Variants in UBA1 observed in about 807,000 individuals in gnomAD.
UBA1 encodes ubiquitin like modifier activating enzyme 1.
A neutral mutation model predicts 84.7 loss-of-function variants in UBA1; 4 were observed. The observed-to-expected ratio is 0.05, with a 90% CI of 0.02 to 0.11. The LOEUF is 0.11. Among genes scored for constraint, UBA1 ranks in the 10% least tolerant of loss-of-function variants. UBA1 has a pLI of 1.00. For synonymous variants in UBA1, 364 were observed against 362.6 expected (o/e 1.00, Z -0.04); for missense variants, 513 against 902.8 (o/e 0.57, Z 5.53).
At chrX:47,201,156 CT>C (rs1196432148) in intron 6 of UBA1, 119 bp from the exon 7 acceptor site, 2 of 813,242 alleles carry the variant, frequency 2.5e-6, no homozygotes, top group African/African-American at 2.0e-5. Context: ...CAAGTACCAT[CT>C]TACATCCCAG....
chrX:47,199,566 C>T lies in UBA1; in HGVS notation c.432C>T (p.Val144=), dbSNP rs370688287. The change falls in exon 5 of 26, where the codon GTC becomes GTT. Residue 144 remains valine, a synonymous_variant. Transcript: ENST00000335972. The stretch of plus-strand genomic sequence containing the variant: ...CTGAGCTCAACAGCTATGTGCCTGT[C>T]ACTGCCTACACTGGACCCCTCGTTG... The part of the protein sequence containing the change: ...RLAELNSYVP[V]TAYTGPLVED... The T allele has an allele frequency of 1.7e-6, 2 of 1,209,937 alleles. No homozygotes were observed. Among genetic ancestry groups the T allele is most frequent in the African/African-American group, 3.5e-5 (2 of 57,164 alleles).
chrX:47,204,543 A>G (rs1556789978), intron 14 of UBA1, among the ~76,000 whole-genome samples: 1 of 111,349 alleles, frequency 9.0e-6, no homozygotes, highest in Non-Finnish European at 1.9e-5. Context: ...CACATAACAA[A>G]ATTTCCAGAC....
At chrX:47,207,993 A>C (rs1398361454) in intron 16 of UBA1, among the ~76,000 whole-genome samples, 1 of 112,300 alleles carries the variant, frequency 8.9e-6, no homozygotes, top group East Asian at 2.8e-4. Flanking sequence ...TGTTTTAGAG[A>C]CAAGGCACAG....
Position 47,202,408 on chromosome X carries a change from C to T in UBA1, c.960C>T (p.Phe320=), listed in dbSNP as rs1556788530. The T allele has an allele frequency of 8.3e-7, 1 of 1,210,761 alleles. No individual in the cohort carries two copies. Among genetic ancestry groups the T allele is most frequent in the Non-Finnish European group, 1.1e-6 (1 of 894,946 alleles). The change falls in exon 10 of 26, where the codon TTC becomes TTT. Residue 320 remains phenylalanine, a synonymous_variant. Coordinates refer to ENST00000335972, the MANE Select transcript of UBA1 (RefSeq NM_003334.4). The part of the protein sequence containing the change: ...LAEPDFVVTD[F]AKFSRPAQLH... Reference sequence around the variant, plus strand: ...AACCTGACTTTGTGGTGACGGACTTCGCCAAGTTTTCTCGCCCTGCCCAGC... The same window carrying T: ...AACCTGACTTTGTGGTGACGGACTTTGCCAAGTTTTCTCGCCCTGCCCAGC...
Position 47,211,239 on chromosome X carries a change from G to T in UBA1, c.2464+14G>T. 8.3e-7 allele frequency: 1 copy of T among 1,204,764 alleles called. No homozygotes were observed. ...ATGCCTCTGTTGGTGAGGGTGTTTG[G>T]CCAGTTGGCCAGGAGTCACCCCACA... On this transcript the variant is annotated intron_variant, in intron 20 of 25. Transcript: ENST00000335972.
upstream of UBA1, chrX:47,190,946 A>AG (rs1556784172): frequency 8.9e-6 from 1 of 112,913 alleles, no homozygotes; most frequent in Non-Finnish European, 1.9e-5. Flanking sequence ...CGCCCGGCAC[A>AG]GGGGGTGAGC....
At chrX:47,195,889 C>T (rs1433570311) in intron 1 of UBA1, among the ~76,000 whole-genome samples, 3 of 110,864 alleles carry the variant, frequency 2.7e-5, no homozygotes, top group African/African-American at 6.6e-5. Context: ...CTTGCATGTC[C>T]CTATCTATTA....
Position 47,214,838 on chromosome X carries a change from G to A in UBA1, c.3086G>A (p.Arg1029His), listed in dbSNP as rs1286266010. 7.4e-6 allele frequency: 9 copies of A among 1,210,265 alleles called. No homozygotes were observed. Among genetic ancestry groups the A allele is most frequent in the Non-Finnish European group, 8.9e-6 (8 of 895,377 alleles). The change falls in exon 26 of 26, where the codon CGC (arginine) becomes CAC (histidine). Residue 1029 changes from arginine to histidine, a missense_variant. By Grantham distance (29) the Arg-to-His change is conservative. Coordinates refer to ENST00000335972, the MANE Select transcript of UBA1 (RefSeq NM_003334.4). Reference sequence around the variant, plus strand: ...CGTGTGTCGAAGCGAAAGCTGGGCCGCCACGTGCGGGCGCTGGTGCTTGAG... The same window carrying A: ...CGTGTGTCGAAGCGAAAGCTGGGCCACCACGTGCGGGCGCTGGTGCTTGAG... ...VSRVSKRKLG[R>H]HVRALVLELC...
At chrX:47,209,850 A>AG (rs1936850248) in intron 17 of UBA1, 78 bp from the exon 18 acceptor site, 14 of 1,143,738 alleles carry the variant, frequency 1.2e-5, no homozygotes, top group Non-Finnish European at 1.7e-5. Context: ...TTTTCCATGG[A>AG]GAAAGTAAGA....
At chrX:47,191,438 G>A (rs1423046530), upstream of UBA1, 1 of 111,350 alleles carries the variant, frequency 9.0e-6, no homozygotes, top group Non-Finnish European at 1.9e-5. Context: ...TGCGAGACTG[G>A]ACACGTCGGG....
chrX:47,202,038 G>A (rs1365302304), intron 8 of UBA1, 118 bp from the exon 9 acceptor site: 1 of 612,178 alleles, frequency 1.6e-6, no homozygotes, highest in Non-Finnish European at 2.7e-6. Context: ...GCCTGGAGCT[G>A]AGGGAAGACA....
Position 47,199,236 on chromosome X carries a change from G to A in UBA1, c.204G>A (p.Lys68=). The A allele has an allele frequency of 3.3e-6, 4 of 1,212,310 alleles. No homozygotes were observed. The South Asian group carries it at 5.3e-5, about 16-fold the overall frequency. ...QLYVLGHEAM[K]RLQTSSVLVS... ...ATGTGTTGGGCCATGAGGCAATGAA[G>A]CGGCTCCAGACATCCAGTGTCCTGG... The change falls in exon 4 of 26, where the codon AAG becomes AAA. Residue 68 remains lysine (K), a synonymous_variant. Coordinates refer to ENST00000335972, the MANE Select transcript of UBA1 (RefSeq NM_003334.4).
rs1556786685 is a variant in UBA1, at chrX:47,199,261, G to A, written c.229G>A (p.Val77Ile). 8.2e-7 allele frequency: 1 copy of A among 1,212,295 alleles called. No homozygotes were observed. Among genetic ancestry groups the A allele is most frequent in the Non-Finnish European group, 1.1e-6 (1 of 895,574 alleles). Residue 77 changes from valine to isoleucine, a missense_variant, in exon 4 of 26, where the codon GTA (valine) becomes ATA (isoleucine). Physicochemically the swap from Val to Ile is conservative, Grantham distance 29. This residue lies in a region of UBA1 where 227 missense variants were observed against 339.1 expected (regional missense o/e 0.67). Transcript: ENST00000335972. ...MKRLQTSSVL[V>I]SGLRGLGVEI... ...GCGGCTCCAGACATCCAGTGTCCTGGTATCAGGCCTGCGGGGCCTGGGCGT... is the reference window on the plus strand; with the variant it reads ...GCGGCTCCAGACATCCAGTGTCCTGATATCAGGCCTGCGGGGCCTGGGCGT...
At chrX:47,199,705 T>C in intron 5 of UBA1, 91 bp downstream of exon 5, 1 of 1,075,120 alleles carries the variant, frequency 9.3e-7, no homozygotes, top group Non-Finnish European at 1.3e-6. Context: ...ATTTAATGGG[T>C]CGGCCTGAAT....
chrX:47,215,083 T>C lies in UBA1; in HGVS notation c.*154T>C. 1.3e-6 allele frequency: 1 copy of C among 777,597 alleles called. No individual in the cohort carries two copies. The highest frequency in any genetic ancestry group is 1.9e-6 in the Non-Finnish European group (1 of 527,249). The allele number at this position is 777,597 out of a possible 1,213,427, so 64.1% of individuals were successfully genotyped here. A position where few individuals can be genotyped will look rare whatever the true frequency, so the allele number is the denominator to read the frequency against. On this transcript the variant is annotated 3_prime_UTR_variant, in exon 26 of 26. Transcript: ENST00000335972. ...CTGAACCCCTCTTGCCACTGCCTTCTACCTTGTTTGAAACCTGAATCCTAA... is the reference window on the plus strand; with the variant it reads ...CTGAACCCCTCTTGCCACTGCCTTCCACCTTGTTTGAAACCTGAATCCTAA...
chrX:47,199,120 A>G lies in UBA1; in HGVS notation c.176+14A>G. 8.2e-7 allele frequency: 1 copy of G among 1,212,391 alleles called. No homozygotes were observed. The highest frequency in any genetic ancestry group is 1.1e-6 in the Non-Finnish European group (1 of 895,629). Reference sequence around the variant, plus strand: ...CTCCCGGCAGCTGTAAGTGGGGCCAAGGCCGGGCTGAGGGGTGTGGAATGG... The same window carrying G: ...CTCCCGGCAGCTGTAAGTGGGGCCAGGGCCGGGCTGAGGGGTGTGGAATGG... On this transcript the variant is annotated intron_variant, in intron 3 of 25. Coordinates refer to ENST00000335972, the MANE Select transcript of UBA1 (RefSeq NM_003334.4).
At chrX:47,206,991 C>A (rs1326557691) in intron 16 of UBA1, among the ~76,000 whole-genome samples, 2 of 110,498 alleles carry the variant, frequency 1.8e-5, no homozygotes, top group Non-Finnish European at 3.8e-5. Context: ...ATGCCAATAG[C>A]ACTCTCCCTC....
chrX:47,203,494 T>G (rs1556789332), intron 13 of UBA1, 47 bp from the exon 14 acceptor site: 1 of 1,205,988 alleles, frequency 8.3e-7, no homozygotes, highest in Middle Eastern at 2.4e-4. Flanking sequence ...CACACTAACC[T>G]GCATCACCCT....
At chrX:47,197,042 T>C in intron 1 of UBA1, 1 of 691,742 alleles carries the variant, frequency 1.4e-6, no homozygotes. Context: ...AGAGAGTCAG[T>C]AAATGGAAAA....
Sources: gnomAD v4.1 joint callset for allele counts (sites outside exome capture counted in the v4.1 genomes callset) on GRCh38, gnomAD v4.1.1 for gene constraint, gnomAD v4.1.1 regional missense constraint, MANE v1.5 for transcripts, NCBI Gene and HGNC (gene_info 2026-07-23, HGNC 2026-07-21) for gene names.